The following UNC13C variants were observed in gnomAD, a reference collection of about 807,000 sequenced individuals.
UNC13C encodes the protein protein unc-13 homolog C.
UNC13C carries 174 observed loss-of-function variants against 245.4 expected under a neutral mutation model. That is an observed-to-expected ratio of 0.71 (90% CI 0.63 to 0.80). The LOEUF (loss-of-function observed/expected upper bound fraction) is 0.80. UNC13C is among the 30% of genes least tolerant of loss of function. The probability of loss-of-function intolerance (pLI) is 0.00; values close to 1 mark genes in which losing one functional copy is unlikely to be tolerated. For missense variants in UNC13C, 2,829 were observed against 2,602.9 expected (o/e 1.09, Z -1.89); for synonymous variants, 992 against 895.1 (o/e 1.11, Z -1.93).
intron 30 of UNC13C, among the ~76,000 whole-genome samples, chr15:54,577,577 C>A (rs1898010258): frequency 6.6e-6 from 1 of 152,154 alleles, no homozygotes; most frequent in African/African-American, 2.4e-5. Flanking sequence ...CTTCTCCAGG[C>A]TCCCTCTGGA....
chr15:54,129,609 T>G (rs2031281180), intron 2 of UNC13C, among the ~76,000 whole-genome samples: 1 of 151,954 alleles, frequency 6.6e-6, no homozygotes, highest in Non-Finnish European at 1.5e-5. Context: ...GTAATTTATA[T>G]TTTTAAGAAA....
chr15:54,371,462 A>T (rs1010597485), intron 17 of UNC13C, among the ~76,000 whole-genome samples: 1 of 152,156 alleles, frequency 6.6e-6, no homozygotes, highest in African/African-American at 2.4e-5. Context: ...AATAAAGCGG[A>T]AGGCTTTATT....
At chr15:54,118,253 T>C (rs1474856067) in intron 2 of UNC13C, among the ~76,000 whole-genome samples, 2 of 152,172 alleles carry the variant, frequency 1.3e-5, no homozygotes. Flanking sequence ...GGTACTATAT[T>C]CATTTTAACA....
chr15:54,459,589 T>G (rs1891727856), intron 19 of UNC13C, among the ~76,000 whole-genome samples: 1 of 152,170 alleles, frequency 6.6e-6, no homozygotes, highest in Admixed American at 6.5e-5. Flanking sequence ...TTTTTTCATT[T>G]TTTTCTCTTG....
At chr15:53,892,285 C>A in the UNC13C span, among the ~76,000 whole-genome samples, 1 of 152,178 alleles carries the variant, frequency 6.6e-6, no homozygotes, top group Non-Finnish European at 1.5e-5. Context: ...GTAACCCAAC[C>A]TTTTTCTCTG....
chr15:54,582,807 TA>T (rs1898266470), intron 30 of UNC13C, among the ~76,000 whole-genome samples: 1 of 152,162 alleles, frequency 6.6e-6, no homozygotes, highest in South Asian at 2.1e-4. Flanking sequence ...TGGTTTTCAG[TA>T]CCAGCTGAAA....
At chr15:54,571,254 C>A (rs1596591182) in intron 30 of UNC13C, among the ~76,000 whole-genome samples, 1 of 152,192 alleles carries the variant, frequency 6.6e-6, no homozygotes, top group Non-Finnish European at 1.5e-5. Context: ...GCCTCACAAT[C>A]ATGGCAGAAG....
At chr15:54,398,835 T>C (rs933365270) in intron 18 of UNC13C, among the ~76,000 whole-genome samples, 1 of 151,564 alleles carries the variant, frequency 6.6e-6, no homozygotes, top group African/African-American at 2.4e-5. Flanking sequence ...ATTGATATTT[T>C]GTGTCTTCTC....
chr15:54,181,258 C>G (rs940131431), intron 4 of UNC13C, among the ~76,000 whole-genome samples: 1 of 151,984 alleles, frequency 6.6e-6, no homozygotes, highest in Non-Finnish European at 1.5e-5. Flanking sequence ...AATAGGGAGT[C>G]CTTCATCCAT....
chr15:54,569,304 A>G (rs1897649491), intron 30 of UNC13C, among the ~76,000 whole-genome samples: 2 of 152,128 alleles, frequency 1.3e-5, no homozygotes. Flanking sequence ...AAATTTATGG[A>G]TGCTCAAGTC....
chr15:54,054,977 A>C (rs1897443818), intron 2 of UNC13C, among the ~76,000 whole-genome samples: 1 of 152,066 alleles, frequency 6.6e-6, no homozygotes, highest in South Asian at 2.1e-4. Flanking sequence ...TGTGGCCTAC[A>C]CTGTTTGATC....
intron 2 of UNC13C, among the ~76,000 whole-genome samples, chr15:54,023,804 G>C (rs1895995900): frequency 6.6e-6 from 1 of 152,164 alleles, no homozygotes; most frequent in Admixed American, 6.5e-5. Flanking sequence ...GCAGTTTCCA[G>C]GTTGTACTAG....
At chr15:54,308,561 C>T (rs1230059009) in intron 13 of UNC13C, among the ~76,000 whole-genome samples, 1 of 151,760 alleles carries the variant, frequency 6.6e-6, no homozygotes, top group Non-Finnish European at 1.5e-5. Context: ...TTGTTATTAA[C>T]TATCATCACC....
In UNC13C at chr15:54,264,209, A is replaced by G; in HGVS notation, c.3490A>G (p.Thr1164Ala). ...TTCTAAACATGGTGCCGAAGACAAG[A>G]CTCAGACCATTATTACAGCAATGAA... ...KSSKHGAEDK[T>A]QTIITAMKER... The change falls in exon 9 of 33, where the codon ACT (threonine) becomes GCT (alanine). Residue 1164 changes from threonine to alanine, a missense_variant. Physicochemically the swap from Thr to Ala is moderately conservative, Grantham distance 58. Transcript: ENST00000260323. 6.3e-7 allele frequency: 1 copy of G among 1,592,112 alleles called. No individual in the cohort carries two copies. The highest frequency in any genetic ancestry group is 8.6e-7 in the Non-Finnish European group (1 of 1,168,526).
rs141955411 is a variant in UNC13C, at chr15:54,309,785, C to T, written c.4268+9412C>T. Among the ~76,000 whole-genome samples, 737 of 151,890 alleles carry T rather than the reference C, an allele frequency of 4.9e-3. 6 individuals are homozygous for T. The highest frequency in any genetic ancestry group is 0.034 in the Middle Eastern group (10 of 294). On this transcript the variant is annotated intron_variant, in intron 13 of 32. Coordinates refer to ENST00000260323, the MANE Select transcript of UNC13C (RefSeq NM_001080534.3). ...ATTATCCTTTTCTCATTGGCACTCC[C>T]GTTGAAAATCATTTGTCAGTAAATG...
intron 8 of UNC13C, among the ~76,000 whole-genome samples, chr15:54,258,863 A>G (rs2036349240): frequency 6.6e-6 from 1 of 152,240 alleles, no homozygotes; most frequent in Non-Finnish European, 1.5e-5. Context: ...TAACAAGCTC[A>G]AGACTAAAAG....
intron 26 of UNC13C, among the ~76,000 whole-genome samples, chr15:54,534,988 G>T (rs62022424): frequency 6.6e-6 from 1 of 152,048 alleles, no homozygotes; most frequent in Non-Finnish European, 1.5e-5. Context: ...GCACTATAAA[G>T]TAACTACACA....
intron 1 of UNC13C, among the ~76,000 whole-genome samples, chr15:53,986,485 G>A (rs1334239505): frequency 6.6e-6 from 1 of 151,946 alleles, no homozygotes; most frequent in Non-Finnish European, 1.5e-5. Flanking sequence ...TGTTGTTTTA[G>A]AAATATACAG....
rs1895571625 is a variant in UNC13C, at chr15:54,014,926, G to A, written c.2023G>A (p.Gly675Ser). 5 of 1,613,876 alleles carry A rather than the reference G, an allele frequency of 3.1e-6. No homozygotes were observed. The highest frequency in any genetic ancestry group is 1.3e-5 in the African/African-American group (1 of 75,032). ...DLGLDSSTQEGFDYETNSLFD... is the reference protein window; with the variant it reads ...DLGLDSSTQESFDYETNSLFD... ...AGGCTTGGATTCATCCACCCAGGAA[G>A]GTTTTGATTATGAAACAAACAGTCT... The change falls in exon 2 of 33, where the codon GGT (glycine) becomes AGT (serine). Residue 675 changes from glycine (G) to serine (S), a missense_variant. By Grantham distance (56) the Gly-to-Ser change is moderately conservative (BLOSUM62 0). Coordinates refer to ENST00000260323, the MANE Select transcript of UNC13C (RefSeq NM_001080534.3).
Sources: gnomAD v4.1 joint callset for allele counts (sites outside exome capture counted in the v4.1 genomes callset) on GRCh38, gnomAD v4.1.1 for gene constraint, MANE v1.5 for transcripts, NCBI Gene and HGNC (gene_info 2026-07-23, HGNC 2026-07-21) for gene names.